Variants in SH3GL3 observed in about 807,000 individuals in gnomAD.
The protein encoded by SH3GL3 is SH3 domain containing GRB2 like 3, endophilin A3.
A neutral mutation model predicts 47.7 loss-of-function variants in SH3GL3; 33 were observed. That is an observed-to-expected ratio of 0.69 (90% CI 0.52 to 0.92). The LOEUF (loss-of-function observed/expected upper bound fraction) is 0.92. Ranked by LOEUF, SH3GL3 falls within the 40% of genes least tolerant of loss-of-function variation. The pLI, the probability that SH3GL3 is intolerant of heterozygous loss-of-function variation, is 0.00. For missense variants in SH3GL3, 363 were observed against 417.8 expected, an observed-to-expected ratio of 0.87 and a Z score of 1.14; for synonymous variants, 155 against 148.8, an observed-to-expected ratio of 1.04 and a Z score of -0.30.
At chr15:83,465,729 C>G (rs1451599786) in intron 1 of SH3GL3, among the ~76,000 whole-genome samples, 1 of 152,024 alleles carries the variant, frequency 6.6e-6, no homozygotes, top group Non-Finnish European at 1.5e-5. Context: ...ATTATTTTTT[C>G]CTATCACAAA....
chr15:83,487,209 T>G (rs2041643042), intron 1 of SH3GL3, among the ~76,000 whole-genome samples: 1 of 151,772 alleles, frequency 6.6e-6, no homozygotes. Flanking sequence ...ACCTGTTTTT[T>G]TTTTTTTTTT....
At chr15:83,530,426 C>A (rs1253557196) in intron 1 of SH3GL3, among the ~76,000 whole-genome samples, 2 of 152,198 alleles carry the variant, frequency 1.3e-5, no homozygotes, top group Non-Finnish European at 1.5e-5. Flanking sequence ...GGCCGCCTTG[C>A]TTTCCCTTAC....
intron 1 of SH3GL3, among the ~76,000 whole-genome samples, chr15:83,479,755 A>G (rs1048691406): frequency 6.6e-6 from 1 of 152,188 alleles, no homozygotes; most frequent in Non-Finnish European, 1.5e-5. Context: ...CGGGGCCATC[A>G]GTGGGGCACT....
intron 1 of SH3GL3, chr15:83,490,758 TTAAGTGAA>T: frequency 6.2e-7 from 1 of 1,604,018 alleles, no homozygotes. Flanking sequence ...ACAGGAGCTT[TTAAGTGAA>T]TAAGACCATT....
intron 1 of SH3GL3, among the ~76,000 whole-genome samples, chr15:83,523,740 C>T (rs2043300732): frequency 6.6e-6 from 1 of 152,048 alleles, no homozygotes; most frequent in African/African-American, 2.4e-5. Flanking sequence ...TTTCCCCCTG[C>T]CTCCCTCCTT....
At chr15:83,502,622 A>G (rs1294835744) in intron 1 of SH3GL3, among the ~76,000 whole-genome samples, 1 of 152,174 alleles carries the variant, frequency 6.6e-6, no homozygotes. Context: ...GCAGTGTGCC[A>G]TCATGGCTCA....
Position 83,588,758 on chromosome 15 carries a change from A to G in SH3GL3, c.825A>G (p.Val275=), listed in dbSNP as rs1213540871. Residue 275 remains valine (V), a synonymous_variant, in exon 8 of 9, where the codon GTA becomes GTG. Coordinates refer to ENST00000427482, the MANE Select transcript of SH3GL3 (RefSeq NM_003027.5). ...TCAATGGAGTTTCCACCACCTCTGT[A>G]GTGAAGACGACAGGTAAGTTGACCA... ...SELNGVSTTS[V]VKTTGSNIPM... is the part of the protein sequence containing the mutation. 4 of 1,583,272 alleles carry G rather than the reference A, an allele frequency of 2.5e-6. No homozygotes were observed. Among genetic ancestry groups the G allele is most frequent in the Non-Finnish European group, 3.5e-6 (4 of 1,151,962 alleles).
intron 1 of SH3GL3, among the ~76,000 whole-genome samples, chr15:83,521,413 A>G (rs2043197006): frequency 6.6e-6 from 1 of 152,166 alleles, no homozygotes; most frequent in African/African-American, 2.4e-5. Context: ...TATAAAATCT[A>G]GGTGCTCAGA....
intron 8 of SH3GL3, among the ~76,000 whole-genome samples, chr15:83,616,280 T>C (rs1003361785): frequency 1.7e-5 from 2 of 120,460 alleles, no homozygotes; most frequent in Admixed American, 1.1e-4. Context: ...TGAGATGGAG[T>C]CTTGCTCTGT....
intron 1 of SH3GL3, among the ~76,000 whole-genome samples, chr15:83,550,992 A>T (rs1306128911): frequency 6.6e-6 from 1 of 152,188 alleles, no homozygotes; most frequent in South Asian, 2.1e-4. Flanking sequence ...AGGGAAGAAG[A>T]TGGAGACGCC....
At chr15:83,561,131 T>C (rs752323277) in intron 2 of SH3GL3, among the ~76,000 whole-genome samples, 1 of 152,096 alleles carries the variant, frequency 6.6e-6, no homozygotes, top group Non-Finnish European at 1.5e-5. Flanking sequence ...ATTAATAACT[T>C]TGATTATAAA....
chr15:83,459,830 A>G (rs1218064099), intron 1 of SH3GL3, among the ~76,000 whole-genome samples: 1 of 152,140 alleles, frequency 6.6e-6, no homozygotes. Context: ...CAGGTCATGC[A>G]TCATTGCCTT....
chr15:83,555,705 T>G (rs1274382023), intron 1 of SH3GL3, among the ~76,000 whole-genome samples: 1 of 152,228 alleles, frequency 6.6e-6, no homozygotes, highest in Non-Finnish European at 1.5e-5. Context: ...CAGCCTCATT[T>G]GCTTTTCCAT....
chr15:83,484,145 T>G (rs2041492653), intron 1 of SH3GL3, among the ~76,000 whole-genome samples: 1 of 152,226 alleles, frequency 6.6e-6, no homozygotes, highest in African/African-American at 2.4e-5. Context: ...TGCCTTCTTC[T>G]TATACTCAGA....
chr15:83,614,570 A>C (rs905660606), intron 8 of SH3GL3, among the ~76,000 whole-genome samples: 1 of 152,032 alleles, frequency 6.6e-6, no homozygotes, highest in African/African-American at 2.4e-5. Context: ...GTGGTTGTCA[A>C]CCTACCCTGG....
chr15:83,508,830 G>A (rs1042440065), intron 1 of SH3GL3, among the ~76,000 whole-genome samples: 3 of 152,138 alleles, frequency 2.0e-5, no homozygotes, highest in Non-Finnish European at 2.9e-5. Flanking sequence ...TCCTGACCTC[G>A]TGATCCGCTT....
intron 4 of SH3GL3, among the ~76,000 whole-genome samples, chr15:83,569,996 G>T (rs763267550): frequency 6.6e-5 from 10 of 152,086 alleles, no homozygotes; most frequent in Middle Eastern, 3.2e-3. Flanking sequence ...AATGGAGAGA[G>T]ATTTTTATTT....
At chr15:83,482,584 C>T (rs1257948460) in intron 1 of SH3GL3, among the ~76,000 whole-genome samples, 1 of 151,912 alleles carries the variant, frequency 6.6e-6, no homozygotes, top group Admixed American at 6.6e-5. Context: ...GCCTCCACCT[C>T]CCAGGTTCAA....
chr15:83,517,180 CTTTCTTTTCTT>C (rs749157265), intron 1 of SH3GL3, among the ~76,000 whole-genome samples: 183 of 147,112 alleles, frequency 1.2e-3, no homozygotes, highest in African/African-American at 8.7e-4. Flanking sequence ...ATGTGACTTT[CTTTCTTTTCTT>C]TTTCTTTTCT....
Sources: gnomAD v4.1 joint callset for allele counts (sites outside exome capture counted in the v4.1 genomes callset) on GRCh38, gnomAD v4.1.1 for gene constraint, MANE v1.5 for transcripts, NCBI Gene and HGNC (gene_info 2026-07-23, HGNC 2026-07-21) for gene names.